Variants in CCDC102B observed in about 807,000 individuals in gnomAD.
CCDC102B encodes coiled-coil domain containing 102B.
A neutral mutation model predicts 57.4 loss-of-function variants in CCDC102B; 75 were observed. The observed-to-expected ratio is 1.31, with a 90% CI of 1.08 to 1.58. CCDC102B has a LOEUF of 1.58. Among genes scored for constraint, CCDC102B ranks in the 40% most tolerant of loss-of-function variants. The pLI, the probability that CCDC102B is intolerant of heterozygous loss-of-function variation, is 0.00. For synonymous variants in CCDC102B, 206 were observed against 201.9 expected (o/e 1.02, Z -0.17); for missense variants, 636 against 582.6 (o/e 1.09, Z -0.94).
intron 6 of CCDC102B, among the ~76,000 whole-genome samples, chr18:68,982,627 T>C (rs1294616092): frequency 6.6e-6 from 1 of 151,644 alleles, no homozygotes; most frequent in African/African-American, 2.4e-5. Context: ...TAGTACATTG[T>C]TTTTTTTAAT....
At chr18:68,926,238 A>G (rs2041470464) in intron 6 of CCDC102B, among the ~76,000 whole-genome samples, 1 of 151,966 alleles carries the variant, frequency 6.6e-6, no homozygotes, top group Non-Finnish European at 1.5e-5. Flanking sequence ...AGAAATATTT[A>G]TACATTCTAT....
intron 6 of CCDC102B, among the ~76,000 whole-genome samples, chr18:68,970,967 T>A (rs2050287093): frequency 6.6e-6 from 1 of 151,978 alleles, no homozygotes; most frequent in Non-Finnish European, 1.5e-5. Flanking sequence ...ATTATATATA[T>A]GCATATACAT....
chr18:68,971,048 A>T (rs886117774), intron 6 of CCDC102B, among the ~76,000 whole-genome samples: 1 of 152,048 alleles, frequency 6.6e-6, no homozygotes, highest in African/African-American at 2.4e-5. Context: ...TGCAATAAAT[A>T]TTTGCAATAC....
At chr18:68,956,883 T>G (rs1462474821) in intron 6 of CCDC102B, among the ~76,000 whole-genome samples, 2 of 151,702 alleles carry the variant, frequency 1.3e-5, no homozygotes, top group Non-Finnish European at 2.9e-5. Flanking sequence ...TGGTCCATGA[T>G]GTTAAGTACC....
intron 6 of CCDC102B, among the ~76,000 whole-genome samples, chr18:68,978,467 G>C (rs183750633): frequency 6.8e-4 from 103 of 152,038 alleles, no homozygotes; most frequent in African/African-American, 2.4e-3. Context: ...TAAAAGTAGG[G>C]TAAGACTTTA....
At chr18:68,911,751 C>CAAAAAAAAAAAAAAAA (rs74175338) in intron 6 of CCDC102B, among the ~76,000 whole-genome samples, 14 of 17,994 alleles carry the variant, frequency 7.8e-4, no homozygotes, top group Non-Finnish European at 8.2e-4. Context: ...GACTCCGTCT[C>CAAAAAAAAAAAAAAAA]AAAAAAAAAA....
chr18:68,950,100 A>T (rs148551219), intron 6 of CCDC102B, among the ~76,000 whole-genome samples: 1 of 152,272 alleles, frequency 6.6e-6, no homozygotes, highest in African/African-American at 2.4e-5. Flanking sequence ...CATGAGATGA[A>T]GTCTTACAAT....
At chr18:68,945,117 T>A (rs1207869426) in intron 6 of CCDC102B, among the ~76,000 whole-genome samples, 6 of 50,972 alleles carry the variant, frequency 1.2e-4, no homozygotes, top group African/African-American at 1.7e-4. Context: ...TCTGTCTCTC[T>A]CTCTCCACAC....
intron 5 of CCDC102B, among the ~76,000 whole-genome samples, chr18:68,893,388 G>C (rs2040143013): frequency 6.6e-6 from 1 of 150,866 alleles, no homozygotes. Context: ...ATGTAAAACA[G>C]CTCTGGCAAT....
intron 7 of CCDC102B, among the ~76,000 whole-genome samples, chr18:69,036,319 A>T (rs6566407): frequency 6.6e-6 from 1 of 152,024 alleles, no homozygotes; most frequent in East Asian, 1.9e-4. Context: ...TTGTTATATT[A>T]TCCGTTTGAT....
At chr18:68,889,374 C>T (rs1238391524) in intron 5 of CCDC102B, among the ~76,000 whole-genome samples, 1 of 152,122 alleles carries the variant, frequency 6.6e-6, no homozygotes, top group African/African-American at 2.4e-5. Context: ...GTGCCTTGAT[C>T]TTGGACTTCC....
chr18:68,912,815 T>G (rs2040922757), intron 6 of CCDC102B, among the ~76,000 whole-genome samples: 1 of 152,140 alleles, frequency 6.6e-6, no homozygotes, highest in Non-Finnish European at 1.5e-5. Context: ...AAATGCAGAG[T>G]TTGGAATAAA....
chr18:69,006,392 GATTTATTTATTTATTTATTTATTT>G (rs71931343), intron 6 of CCDC102B, among the ~76,000 whole-genome samples: 1 of 141,854 alleles, frequency 7.0e-6, no homozygotes, highest in South Asian at 2.3e-4. Flanking sequence ...ATAGCTTTGA[GATTTATTTATTTATTTATTTATTT>G]ATTTATTTAT....
chr18:68,826,342 TG>T (rs10711684), intron 1 of CCDC102B, among the ~76,000 whole-genome samples: 3,403 of 152,174 alleles, frequency 0.022, 101 homozygotes, highest in African/African-American at 0.064. Flanking sequence ...TTCTGGGAGC[TG>T]GTGGCCAGAA....
intron 1 of CCDC102B, among the ~76,000 whole-genome samples, chr18:68,832,729 G>C (rs1003416794): frequency 6.6e-6 from 1 of 151,822 alleles, no homozygotes; most frequent in East Asian, 1.9e-4. Flanking sequence ...TAGTAGGAAA[G>C]TATAACCTGC....
intron 6 of CCDC102B, chr18:68,900,008 T>G (rs2145027916): frequency 6.6e-6 from 1 of 152,284 alleles, no homozygotes; most frequent in African/African-American, 2.4e-5. Flanking sequence ...ACACTTGAAC[T>G]TTTAAAGGAT....
chr18:68,852,076 G>A (rs772525719), intron 4 of CCDC102B, among the ~76,000 whole-genome samples: 1 of 152,056 alleles, frequency 6.6e-6, no homozygotes, highest in Non-Finnish European at 1.5e-5. Flanking sequence ...GTGTTGAAAA[G>A]GAGATTGGAC....
chr18:68,769,752 G>T lies in CCDC102B; in HGVS notation c.-67+53158G>T, dbSNP rs118158871. Among the ~76,000 whole-genome samples, 708 of 152,220 alleles carry T rather than the reference G, an allele frequency of 4.7e-3. 2 individuals are homozygous for T. The highest frequency in any genetic ancestry group is 7.2e-3 in the Non-Finnish European group (490 of 68,006). On this transcript the variant is annotated intron_variant, in intron 2 of 3. Transcript: ENST00000578970. ...CAATAATCTGAAAGTAATTCTTCTGGCTAAGATACACAGACCGATGCTAAA... is the reference window on the plus strand; with the variant it reads ...CAATAATCTGAAAGTAATTCTTCTGTCTAAGATACACAGACCGATGCTAAA...
intron 6 of CCDC102B, among the ~76,000 whole-genome samples, chr18:68,976,290 G>T (rs541790262): frequency 1.3e-5 from 2 of 151,956 alleles, no homozygotes; most frequent in African/African-American, 4.8e-5. Context: ...ATAGTAACTG[G>T]TTATCTTAAA....
Sources: allele counts gnomAD v4.1 joint callset (sites outside exome capture counted in the v4.1 genomes callset), GRCh38; gene constraint gnomAD v4.1.1; transcripts MANE v1.5; gene names NCBI Gene and HGNC (gene_info 2026-07-23, HGNC 2026-07-21).